ELL: variants seen among roughly 807,000 people sequenced by gnomAD.
The protein encoded by ELL is elongation factor for RNA polymerase II, also known as RNA polymerase II elongation factor ELL.
A neutral mutation model predicts 64.0 loss-of-function variants in ELL; 18 were observed. That is an observed-to-expected ratio of 0.28 (90% confidence interval 0.19 to 0.42). ELL has a LOEUF of 0.42. Ranked by LOEUF, ELL falls within the 10% of genes least tolerant of loss-of-function variation. ELL has a pLI of 1.00. For synonymous variants in ELL, 399 were observed against 376.2 expected (o/e 1.06, Z -0.70); for missense variants, 797 against 870.4 (o/e 0.92, Z 1.06).
intron 2 of ELL, 127 bp from the exon 3 acceptor site, chr19:18,466,045 AAC>A (rs1439391669): frequency 5.4e-6 from 5 of 929,178 alleles, no homozygotes; most frequent in East Asian, 3.3e-5. Context: ...TTTTCCCTAA[AAC>A]ACACCCCTGC....
At chr19:18,489,615 G>A (rs1199446914) in intron 1 of ELL, among the ~76,000 whole-genome samples, 2 of 152,190 alleles carry the variant, frequency 1.3e-5, no homozygotes, top group African/African-American at 4.8e-5. Flanking sequence ...AAGGCCGGCA[G>A]GCTTAGCCCT....
chr19:18,454,839 T>TGAAAAAAAAAAAAAA (rs1974621465), intron 6 of ELL, among the ~76,000 whole-genome samples: 1 of 38,196 alleles, frequency 2.6e-5, no homozygotes, highest in Non-Finnish European at 4.6e-5. Flanking sequence ...AGACTCAGTC[T>TGAAAAAAAAAAAAAA]CAAAAAAAAA....
At chr19:18,457,475 G>A (rs960548787) in intron 6 of ELL, among the ~76,000 whole-genome samples, 1 of 152,214 alleles carries the variant, frequency 6.6e-6, no homozygotes, top group Non-Finnish European at 1.5e-5. Flanking sequence ...GGGGAGCAGA[G>A]TGGACCCCCA....
chr19:18,496,824 A>G (rs1241734352), intron 1 of ELL, among the ~76,000 whole-genome samples: 1 of 152,242 alleles, frequency 6.6e-6, no homozygotes, highest in Non-Finnish European at 1.5e-5. Flanking sequence ...AAAAATCCAG[A>G]AGGAAAAGTC....
intron 1 of ELL, among the ~76,000 whole-genome samples, chr19:18,509,830 C>A (rs1975978677): frequency 6.6e-6 from 1 of 152,192 alleles, no homozygotes; most frequent in South Asian, 2.1e-4. Context: ...CCAGTGCCCC[C>A]CAGTGGGCTG....
chr19:18,494,886 C>T (rs1015079049), intron 1 of ELL, among the ~76,000 whole-genome samples: 9 of 152,210 alleles, frequency 5.9e-5, no homozygotes, highest in African/African-American at 2.2e-4. Flanking sequence ...AGCCGGGTGG[C>T]ATCTGGACAA....
At chr19:18,520,594 G>A (rs1013260130) in intron 1 of ELL, among the ~76,000 whole-genome samples, 1 of 152,046 alleles carries the variant, frequency 6.6e-6, no homozygotes, top group Non-Finnish European at 1.5e-5. Context: ...CCGGGAGAGT[G>A]GTGGAAACGA....
At chr19:18,447,149 C>T (rs1168161503) in intron 8 of ELL, among the ~76,000 whole-genome samples, 4 of 152,246 alleles carry the variant, frequency 2.6e-5, no homozygotes, top group Non-Finnish European at 4.4e-5. Flanking sequence ...ACTGCAGGGC[C>T]AAAGCCTGCA....
intron 1 of ELL, among the ~76,000 whole-genome samples, chr19:18,484,630 A>G (rs1177885148): frequency 6.6e-6 from 1 of 152,088 alleles, no homozygotes; most frequent in Non-Finnish European, 1.5e-5. Context: ...ACAGAGAGAG[A>G]TACTGTCTTT....
intron 4 of ELL, 66 bp from the exon 5 acceptor site, chr19:18,461,918 G>A: frequency 6.4e-7 from 1 of 1,553,428 alleles, no homozygotes; most frequent in Non-Finnish European, 8.7e-7. Context: ...CAGTGCTGCT[G>A]ACCAGGTGCC....
At chr19:18,477,202 C>T (rs183932172) in intron 1 of ELL, among the ~76,000 whole-genome samples, 114 of 152,204 alleles carry the variant, frequency 7.5e-4, no homozygotes, top group Middle Eastern at 3.4e-3. Flanking sequence ...AGCTGAGACA[C>T]GGAGGATCGG....
intron 2 of ELL, among the ~76,000 whole-genome samples, chr19:18,471,798 G>A (rs1975070513): frequency 6.6e-6 from 1 of 152,116 alleles, no homozygotes. Flanking sequence ...CTATAAGATG[G>A]TCATTTAGAA....
chr19:18,446,600 G>A (rs1266938907), intron 9 of ELL, 120 bp from the exon 10 acceptor site: 1 of 1,493,426 alleles, frequency 6.7e-7, no homozygotes, highest in Non-Finnish European at 9.0e-7. Context: ...GATTATGAGG[G>A]GGCCTGGCCC....
rs146138401 is a variant in ELL, at chr19:18,471,703, G to A, written c.183+1132C>T. Among the ~76,000 whole-genome samples the A allele has an allele frequency of 3.5e-4, 54 of 152,310 alleles. No homozygotes were observed. The East Asian group carries it at 8.5e-3, about 24-fold the overall frequency. On this transcript the variant is annotated intron_variant, in intron 2 of 11. Transcript: ENST00000262809. The stretch of plus-strand genomic sequence containing the variant: ...AAATCAAACCATTCTAAGGCATATC[G>A]GGTAGGTTAGGGGAGATGAAGAGTC...
chr19:18,468,359 C>T (rs930469288), intron 2 of ELL, among the ~76,000 whole-genome samples: 1 of 152,218 alleles, frequency 6.6e-6, no homozygotes, highest in Non-Finnish European at 1.5e-5. Context: ...TGTCCTGCTT[C>T]GACGCCACTG....
At position 18,462,334 on chromosome 19, in the gene ELL, GCTGTGTGTGT is replaced by G. The variant is rs1426064866; in HGVS notation, c.470-492_470-483del. On this transcript the variant is annotated intron_variant, in intron 4 of 11. Transcript: ENST00000262809. ...TGAAATCACCTGATCACTCTAGTGGGCTGTGTGTGTGTGTGTGTGTGTGTGTGTGTTTGGG... is the reference window on the plus strand; with the variant it reads ...TGAAATCACCTGATCACTCTAGTGGGGTGTGTGTGTGTGTGTGTGTTTGGG... 6.8e-4 allele frequency among the ~76,000 whole-genome samples: 62 copies of G among 90,568 alleles called. 2 individuals are homozygous for G. The East Asian group carries it at 0.012, about 18-fold the overall frequency. 59.4% of individuals were successfully genotyped at this position (90,568 alleles called of 152,430 possible).
intron 5 of ELL, 51 bp downstream of exon 5, chr19:18,461,527 G>A: frequency 6.4e-7 from 1 of 1,551,716 alleles, no homozygotes; most frequent in Non-Finnish European, 8.7e-7. Flanking sequence ...ACCCGCACAA[G>A]ACCATCTGCG....
In ELL at chr19:18,519,971, C is replaced by G. The variant is rs1164036612; in HGVS notation, c.135+1950G>C. Among the ~76,000 whole-genome samples the G allele has an allele frequency of 5.9e-5, 9 of 152,144 alleles. 1 individual carries two copies. Among genetic ancestry groups the G allele is most frequent in the Admixed American group, 5.9e-4 (9 of 15,260 alleles). On this transcript the variant is annotated intron_variant, in intron 1 of 11. Transcript: ENST00000262809. The stretch of plus-strand genomic sequence containing the variant: ...GGAAAAGTTCTTCTAGGAAGCCCCT[C>G]CTGGCTGGTCAACACACTGCCCTAC...
At chr19:18,458,057 G>A (rs991824624) in intron 6 of ELL, 148 bp downstream of exon 6, 11 of 1,405,960 alleles carry the variant, frequency 7.8e-6, no homozygotes, top group Non-Finnish European at 1.0e-5. Flanking sequence ...TAGGGAGGAT[G>A]GCCAGAGAGG....
Sources: gnomAD v4.1 joint callset for allele counts (sites outside exome capture counted in the v4.1 genomes callset) on GRCh38, gnomAD v4.1.1 for gene constraint, MANE v1.5 for transcripts, NCBI Gene and HGNC (gene_info 2026-07-23, HGNC 2026-07-21) for gene names.